STS: variants seen among roughly 807,000 people sequenced by gnomAD.
STS encodes the protein steryl-sulfatase.
A neutral mutation model predicts 26.8 loss-of-function variants in STS; 7 were observed. The ratio of observed to expected loss-of-function variants is 0.26; its 90% CI spans 0.15 to 0.49. The LOEUF is 0.49. STS is among the 20% of genes least tolerant of loss of function. The pLI, the probability that STS is intolerant of heterozygous loss-of-function variation, is 0.98. For synonymous variants in STS, 199 were observed against 189.4 expected (o/e 1.05, Z -0.42); for missense variants, 434 against 465.6 (o/e 0.93, Z 0.63).
At chrX:7,236,684 T>G (rs973704046) in intron 2 of STS, among the ~76,000 whole-genome samples, 1 of 112,282 alleles carries the variant, frequency 8.9e-6, no homozygotes, top group Admixed American at 9.5e-5. Flanking sequence ...TTAAGTTATA[T>G]AAACTTGAAA....
At chrX:7,189,472 G>A (rs761044650) in intron 1 of STS, among the ~76,000 whole-genome samples, 4 of 112,283 alleles carry the variant, frequency 3.6e-5, no homozygotes, top group Non-Finnish European at 7.5e-5. Context: ...TAGCACAAAA[G>A]CATTAAGGGA....
At chrX:7,269,326 C>T (rs1459417229) in intron 6 of STS, among the ~76,000 whole-genome samples, 4 of 100,351 alleles carry the variant, frequency 4.0e-5, no homozygotes, top group Non-Finnish European at 2.0e-5. Flanking sequence ...ACACCTGACC[C>T]TGGAAATGCC....
chrX:7,325,744 G>C, intron 9 of STS, among the ~76,000 whole-genome samples: 1 of 112,323 alleles, frequency 8.9e-6, no homozygotes, highest in Non-Finnish European at 1.9e-5. Context: ...TTTTGCTGTG[G>C]TTCAGCAAAG....
At chrX:7,169,892 G>C (rs1310172254) in intron 1 of STS, among the ~76,000 whole-genome samples, 1 of 107,125 alleles carries the variant, frequency 9.3e-6, no homozygotes, top group Non-Finnish European at 1.9e-5. Flanking sequence ...ATGTTTGTTG[G>C]TGGGGGGGGC....
intron 2 of STS, among the ~76,000 whole-genome samples, chrX:7,210,424 G>A (rs771450439): frequency 1.9e-5 from 2 of 107,466 alleles, no homozygotes; most frequent in African/African-American, 3.4e-5. Flanking sequence ...CGTATTCATA[G>A]AAATATAAAA....
intron 2 of STS, among the ~76,000 whole-genome samples, chrX:7,234,962 A>G (rs771355598): frequency 8.9e-6 from 1 of 112,093 alleles, no homozygotes; most frequent in South Asian, 3.7e-4. Flanking sequence ...CCACTGTTCT[A>G]CAGTGCCAAG....
At chrX:7,215,957 G>T (rs1252434650) in intron 2 of STS, among the ~76,000 whole-genome samples, 1 of 111,732 alleles carries the variant, frequency 8.9e-6, no homozygotes, top group Non-Finnish European at 1.9e-5. Flanking sequence ...CCAATGCTAG[G>T]TCCTGCTTGG....
At chrX:7,336,673 T>A (rs1427268878) in intron 10 of STS, among the ~76,000 whole-genome samples, 2 of 112,546 alleles carry the variant, frequency 1.8e-5, no homozygotes, top group Non-Finnish European at 3.7e-5. Flanking sequence ...CTGAGCTTTG[T>A]AATAAATGAG....
intron 2 of STS, among the ~76,000 whole-genome samples, chrX:7,228,462 G>A (rs1458232843): frequency 2.7e-5 from 3 of 111,737 alleles, no homozygotes; most frequent in Non-Finnish European, 5.6e-5. Context: ...GGTTTGAGTT[G>A]CATTTTCCTG....
chrX:7,336,239 G>GCGGGGCCC, intron 10 of STS, among the ~76,000 whole-genome samples: 1 of 88,769 alleles, frequency 1.1e-5, no homozygotes, highest in East Asian at 3.9e-4. Context: ...ACCTAGGACT[G>GCGGGGCCC]CCCCCCCCAC....
At chrX:7,152,080 G>A (rs1440032952) in intron 1 of STS, among the ~76,000 whole-genome samples, 1 of 109,641 alleles carries the variant, frequency 9.1e-6, no homozygotes, top group Non-Finnish European at 1.9e-5. Flanking sequence ...AGCCTCCCAA[G>A]TAGCTGGGAC....
intron 2 of STS, among the ~76,000 whole-genome samples, chrX:7,205,520 G>C (rs752190424): frequency 2.7e-5 from 3 of 111,937 alleles, no homozygotes; most frequent in Non-Finnish European, 5.6e-5. Context: ...TTATTCAGGG[G>C]CCAATGCAAC....
chrX:7,329,894 G>T (rs1025941871), intron 9 of STS, among the ~76,000 whole-genome samples: 1 of 111,774 alleles, frequency 8.9e-6, no homozygotes, highest in Non-Finnish European at 1.9e-5. Flanking sequence ...ACACAGGAAA[G>T]ATTGTTGTTG....
chrX:7,302,386 GC>G lies in STS; in HGVS notation c.944-2658del, dbSNP rs1926007750. On this transcript the variant is annotated intron_variant, in intron 7 of 10. Transcript: ENST00000674429. The stretch of plus-strand genomic sequence containing the variant: ...TAATTAGGCTTAAATTAGTGTCTCA[GC>G]CAAACAACCCCAAGCCCGAGAGCAC... Among the ~76,000 whole-genome samples the G allele has an allele frequency of 5.4e-5, 6 of 111,365 alleles. No homozygotes were observed. In the South Asian group the frequency reaches 2.3e-3, roughly 42 times the overall value.
chrX:7,310,607 G>T (rs915850757), intron 8 of STS, among the ~76,000 whole-genome samples: 1 of 111,786 alleles, frequency 8.9e-6, no homozygotes, highest in South Asian at 3.8e-4. Context: ...AAGCCTTTGA[G>T]CCTCTCTTTG....
chrX:7,156,128 G>A (rs914530995), intron 1 of STS, among the ~76,000 whole-genome samples: 1 of 109,370 alleles, frequency 9.1e-6, no homozygotes, highest in Non-Finnish European at 1.9e-5. Flanking sequence ...CTCCAGCCTG[G>A]GTGTCATAGT....
Position 7,332,049 on chromosome X carries a change from TA to T in STS, c.1242-1934del, listed in dbSNP as rs1333123442. ...ACTTGGAGTCTTATTTTGTTTTAGT[TA>T]AATCCCCCTTTCCTATAATCATGAT... On this transcript the variant is annotated intron_variant, in intron 9 of 10. Transcript: ENST00000674429. Among the ~76,000 whole-genome samples, 3 of 111,454 alleles carry T rather than the reference TA, an allele frequency of 2.7e-5. No homozygotes were observed. The East Asian group carries it at 8.4e-4, about 31-fold the overall frequency.
At chrX:7,325,520 T>C (rs770828047) in intron 9 of STS, 22 bp downstream of exon 9, 1 of 1,206,958 alleles carries the variant, frequency 8.3e-7, no homozygotes, top group African/African-American at 1.8e-5. Context: ...CCAGGGTGGT[T>C]GGTATTGTTG....
At chrX:7,216,393 A>G (rs1350821865) in intron 2 of STS, among the ~76,000 whole-genome samples, 1 of 112,175 alleles carries the variant, frequency 8.9e-6, no homozygotes, top group Non-Finnish European at 1.9e-5. Context: ...GTTGGTATCA[A>G]ATAAAAAAAC....
Sources: gnomAD v4.1 joint callset for allele counts (sites outside exome capture counted in the v4.1 genomes callset) on GRCh38, gnomAD v4.1.1 for gene constraint, MANE v1.5 for transcripts, NCBI Gene and HGNC (gene_info 2026-07-23, HGNC 2026-07-21) for gene names.